DIAPH1: variants seen among roughly 807,000 people sequenced by gnomAD.
DIAPH1 encodes diaphanous related formin 1.
A neutral mutation model predicts 140.7 loss-of-function variants in DIAPH1; 46 were observed. That is an observed-to-expected ratio of 0.33 (90% CI 0.26 to 0.42). The LOEUF is 0.42. Among genes scored for constraint, DIAPH1 ranks in the 10% least tolerant of loss-of-function variants. The pLI is 1.00. For synonymous variants in DIAPH1, 565 were observed against 551.6 expected (o/e 1.02, Z -0.34); for missense variants, 1,310 against 1,558.7 (o/e 0.84, Z 2.69).
intron 4 of DIAPH1, among the ~76,000 whole-genome samples, chr5:141,583,912 C>T (rs749332385): frequency 7.9e-5 from 12 of 152,056 alleles, no homozygotes. Flanking sequence ...CTATCCCATT[C>T]CCTATATTTA....
In DIAPH1 at chr5:141,618,918, C is replaced by A. The variant is rs1395794851; in HGVS notation, c.-4G>T. On this transcript the variant is annotated 5_prime_UTR_variant, in exon 1 of 28. Transcript: ENST00000389054. ...GGCTCCCGCCGGGCGGCTCCATGTC[C>A]CGGTTCACGCTGGCCGGCGACCCCG... 6 of 1,487,338 alleles carry A rather than the reference C, an allele frequency of 4.0e-6. No homozygotes were observed. Among genetic ancestry groups the A allele is most frequent in the Non-Finnish European group, 5.4e-6 (6 of 1,114,378 alleles). 92.1% of individuals were successfully genotyped at this position (1,487,338 alleles called of 1,614,324 possible).
intron 1 of DIAPH1, among the ~76,000 whole-genome samples, chr5:141,591,084 C>A (rs930729541): frequency 6.6e-6 from 1 of 152,100 alleles, no homozygotes; most frequent in African/African-American, 2.4e-5. Context: ...GCTTTTCCCC[C>A]CAGTCTCATC....
In DIAPH1 at chr5:141,528,910, A is replaced by G; in HGVS notation, c.2810T>C (p.Leu937Pro). ...TTGTAGCTTGAAGAGAATGGCATTG[A>G]GGCGAGGCCGCAGTCGGGGCACAGT... The part of the protein sequence containing the change: ...MGTVPRLRPR[L>P]NAILFKLQFS... Residue 937 changes from leucine (L) to proline (P), a missense_variant, in exon 22 of 28, where the codon CTC (leucine) becomes CCC (proline). Physicochemically the swap from Leu to Pro is moderately conservative, Grantham distance 98. This residue lies in a region of DIAPH1 where 344 missense variants were observed against 512.2 expected (regional missense o/e 0.67). Coordinates refer to ENST00000389054, the MANE Select transcript of DIAPH1 (RefSeq NM_005219.5). 1 of 1,614,082 alleles carries G rather than the reference A, an allele frequency of 6.2e-7. No homozygotes were observed. Among genetic ancestry groups the G allele is most frequent in the Non-Finnish European group, 8.5e-7 (1 of 1,180,038 alleles).
At chr5:141,542,504 A>G (rs961664208) in intron 18 of DIAPH1, among the ~76,000 whole-genome samples, 29 of 152,214 alleles carry the variant, frequency 1.9e-4, no homozygotes, top group African/African-American at 6.3e-4. Flanking sequence ...ATGCAATGGA[A>G]TATTATTCTG....
intron 18 of DIAPH1, among the ~76,000 whole-genome samples, chr5:141,536,725 C>T (rs1001346510): frequency 3.3e-5 from 5 of 152,030 alleles, no homozygotes; most frequent in Admixed American, 3.3e-4. Flanking sequence ...AAAAGCATTC[C>T]AGGCAGAGGC....
chr5:141,556,406 G>A (rs1444720535), intron 18 of DIAPH1, among the ~76,000 whole-genome samples: 1 of 152,214 alleles, frequency 6.6e-6, no homozygotes, highest in Non-Finnish European at 1.5e-5. Flanking sequence ...AAGCTTAAAA[G>A]CTCTCCTTTA....
intron 18 of DIAPH1, among the ~76,000 whole-genome samples, chr5:141,551,300 C>A (rs922494094): frequency 6.6e-6 from 1 of 151,942 alleles, no homozygotes; most frequent in East Asian, 1.9e-4. Flanking sequence ...AAATACAAAT[C>A]AAAAAATTAG....
At chr5:141,546,020 A>G (rs768149469) in intron 18 of DIAPH1, among the ~76,000 whole-genome samples, 1 of 152,246 alleles carries the variant, frequency 6.6e-6, no homozygotes, top group Non-Finnish European at 1.5e-5. Flanking sequence ...AAAAACAGAA[A>G]TATAATCTTG....
chr5:141,618,741 A>G, intron 1 of DIAPH1, 57 bp downstream of exon 1: 1 of 1,273,878 alleles, frequency 7.9e-7, no homozygotes, highest in South Asian at 1.3e-5. Context: ...GGCCGGCTGC[A>G]GGGGTCCAGA....
chr5:141,584,079 A>T, intron 4 of DIAPH1, 45 bp downstream of exon 4: 1 of 1,289,566 alleles, frequency 7.8e-7, no homozygotes, highest in Non-Finnish European at 1.1e-6. Context: ...GGTCCAAGAC[A>T]AGGGCACAGT....
intron 27 of DIAPH1, among the ~76,000 whole-genome samples, chr5:141,519,224 A>G (rs1296411844): frequency 1.3e-5 from 2 of 152,196 alleles, no homozygotes; most frequent in African/African-American, 4.8e-5. Context: ...CCTTACCACC[A>G]AAATCTTCCT....
chr5:141,618,915 G>C lies in DIAPH1; in HGVS notation c.-1C>G. On this transcript the variant is annotated 5_prime_UTR_variant, in exon 1 of 28. Transcript: ENST00000389054. ...CCAGGCTCCCGCCGGGCGGCTCCAT[G>C]TCCCGGTTCACGCTGGCCGGCGACC... 4 of 1,499,494 alleles carry C rather than the reference G, an allele frequency of 2.7e-6. No homozygotes were observed. The highest frequency in any genetic ancestry group is 3.6e-6 in the Non-Finnish European group (4 of 1,121,638). 92.9% of individuals were successfully genotyped at this position (1,499,494 alleles called of 1,614,324 possible).
intron 1 of DIAPH1, among the ~76,000 whole-genome samples, chr5:141,612,437 T>C (rs550616994): frequency 5.1e-4 from 78 of 152,280 alleles, no homozygotes; most frequent in Admixed American, 9.2e-4. Context: ...ATAAACAAAT[T>C]GTGTAAATCC....
In DIAPH1 at chr5:141,577,466, G is replaced by A; in HGVS notation, c.1280+9C>T. ...AAATTCAAAACTTCTCATAAGCACAGCATCTTACCTGGCCTCATAGTCATT... is the reference window on the plus strand; with the variant it reads ...AAATTCAAAACTTCTCATAAGCACAACATCTTACCTGGCCTCATAGTCATT... On this transcript the variant is annotated intron_variant, in intron 12 of 27. Coordinates refer to ENST00000389054, the MANE Select transcript of DIAPH1 (RefSeq NM_005219.5). 2 of 1,572,076 alleles carry A rather than the reference G, an allele frequency of 1.3e-6. No individual in the cohort carries two copies. Among genetic ancestry groups the A allele is most frequent in the Non-Finnish European group, 1.8e-6 (2 of 1,141,810 alleles).
At chr5:141,596,973 T>G (rs1172979750) in intron 1 of DIAPH1, among the ~76,000 whole-genome samples, 2 of 152,028 alleles carry the variant, frequency 1.3e-5, no homozygotes, top group African/African-American at 4.8e-5. Context: ...CATTAGAAGT[T>G]TAAAATACAA....
chr5:141,607,651 C>T (rs1024958660), intron 1 of DIAPH1, among the ~76,000 whole-genome samples: 1 of 152,196 alleles, frequency 6.6e-6, no homozygotes, highest in Non-Finnish European at 1.5e-5. Context: ...AAAATAATTT[C>T]TATGAAGTGG....
chr5:141,537,855 A>G (rs1263747422), intron 18 of DIAPH1, among the ~76,000 whole-genome samples: 1 of 152,166 alleles, frequency 6.6e-6, no homozygotes, highest in African/African-American at 2.4e-5. Context: ...AAAGCAATAC[A>G]CTCAAACACT....
At chr5:141,612,074 T>TAATAAATA (rs374105530) in intron 1 of DIAPH1, among the ~76,000 whole-genome samples, 78 of 151,446 alleles carry the variant, frequency 5.2e-4, no homozygotes, top group East Asian at 3.7e-3. Flanking sequence ...TCTCAAAAAA[T>TAATAAATA]AATAAATAAA....
In DIAPH1 at chr5:141,574,045, G is replaced by A; in HGVS notation, c.1805C>T (p.Pro602Leu). Reference protein sequence around the residue: ...SGTIIPPPPAPGDSTTPPPPP... With the variant: ...SGTIIPPPPALGDSTTPPPPP... ...AGGAGGAGGAGTGGTACTATCCCCA[G>A]GAGCAGGTGGTGGTGGAATAATAGT... Residue 602 changes from proline (P) to leucine (L), a missense_variant, in exon 16 of 28, where the codon CCT (proline) becomes CTT (leucine). By Grantham distance (98) the Pro-to-Leu change is moderately conservative. Coordinates refer to ENST00000389054, the MANE Select transcript of DIAPH1 (RefSeq NM_005219.5). The A allele has an allele frequency of 6.3e-7, 1 of 1,592,824 alleles. No homozygotes were observed. The highest frequency in any genetic ancestry group is 8.6e-7 in the Non-Finnish European group (1 of 1,169,324).
Sources: gnomAD v4.1 joint callset for allele counts (sites outside exome capture counted in the v4.1 genomes callset) on GRCh38, gnomAD v4.1.1 for gene constraint, gnomAD v4.1.1 regional missense constraint, MANE v1.5 for transcripts, NCBI Gene and HGNC (gene_info 2026-07-23, HGNC 2026-07-21) for gene names.